SPAG16: variants seen among roughly 807,000 people sequenced by gnomAD.
SPAG16 encodes the protein sperm-associated antigen 16 protein.
Under a neutral mutation model 80.4 loss-of-function variants are expected in SPAG16, and 86 were observed. The ratio of observed to expected loss-of-function variants is 1.07; its 90% CI spans 0.90 to 1.28. The LOEUF (loss-of-function observed/expected upper bound fraction) is 1.28, where lower values mean the gene tolerates loss of function less well. Among genes scored for constraint, SPAG16 ranks in the 50% most tolerant of loss-of-function variants. The pLI is 0.00. For missense variants in SPAG16, 870 were observed against 765.3 expected (o/e 1.14, Z -1.61); for synonymous variants, 294 against 265.9 (o/e 1.11, Z -1.03).
At chr2:214,004,946 C>T (rs888407192) in intron 12 of SPAG16, among the ~76,000 whole-genome samples, 1 of 151,958 alleles carries the variant, frequency 6.6e-6, no homozygotes, top group Non-Finnish European at 1.5e-5. Context: ...TAATGAGGGT[C>T]GACCGTATTT....
At chr2:214,238,670 G>A (rs184305248) in intron 15 of SPAG16, 1 of 149,352 alleles carries the variant, frequency 6.7e-6, no homozygotes, top group East Asian at 2.0e-4. Context: ...CACTTACATA[G>A]TTTAGGATTT....
In SPAG16 at chr2:213,332,442, T is replaced by C. The variant is rs187890332; in HGVS notation, c.537-7721T>C. ...TAACAGGACCTGATGGCTTCACTGC[T>C]TAATCGTGCCAAGCATTTAAAGAAC... On this transcript the variant is annotated intron_variant, in intron 5 of 15. Coordinates refer to ENST00000331683, the MANE Select transcript of SPAG16 (RefSeq NM_024532.5). Among the ~76,000 whole-genome samples, 4 of 152,288 alleles carry C rather than the reference T, an allele frequency of 2.6e-5. No individual in the cohort carries two copies. In the East Asian group the frequency reaches 7.7e-4, roughly 29 times the overall value.
intron 11 of SPAG16, among the ~76,000 whole-genome samples, chr2:213,883,626 A>G (rs1025949258): frequency 6.6e-6 from 1 of 152,128 alleles, no homozygotes; most frequent in African/African-American, 2.4e-5. Context: ...GTCTCCCACT[A>G]TTATAGTGTG....
intron 15 of SPAG16, among the ~76,000 whole-genome samples, chr2:214,235,272 G>T (rs376219066): frequency 4.6e-5 from 7 of 152,044 alleles, no homozygotes; most frequent in African/African-American, 1.7e-4. Flanking sequence ...TTTATTAAAT[G>T]AAAGTCCAAA....
At chr2:214,021,668 G>A (rs1274012184) in intron 13 of SPAG16, among the ~76,000 whole-genome samples, 1 of 152,062 alleles carries the variant, frequency 6.6e-6, no homozygotes, top group African/African-American at 2.4e-5. Context: ...AATATGCAAA[G>A]TGCTTGAAAG....
intron 15 of SPAG16, among the ~76,000 whole-genome samples, chr2:214,404,199 C>T (rs180743219): frequency 6.6e-6 from 1 of 152,228 alleles, no homozygotes; most frequent in Admixed American, 6.5e-5. Context: ...TCTTAAAAGC[C>T]ATGCTAAGAT....
At chr2:214,197,846 C>T (rs1372013987) in intron 15 of SPAG16, among the ~76,000 whole-genome samples, 1 of 151,390 alleles carries the variant, frequency 6.6e-6, no homozygotes, top group African/African-American at 2.4e-5. Context: ...ATATTAAACA[C>T]CCAGATTTCT....
intron 9 of SPAG16, among the ~76,000 whole-genome samples, chr2:213,469,386 G>A (rs1297957083): frequency 6.6e-6 from 1 of 151,918 alleles, no homozygotes; most frequent in Non-Finnish European, 1.5e-5. Context: ...ATAAAATGAA[G>A]ATGTTTTCTT....
Position 213,371,259 on chromosome 2 carries a change from GC to G in SPAG16, c.833-3750del, listed in dbSNP as rs1180761552. 6.6e-5 allele frequency among the ~76,000 whole-genome samples: 10 copies of G among 152,032 alleles called. 1 individual carries two copies. The highest frequency in any genetic ancestry group is 2.4e-4 in the African/African-American group (10 of 41,462). On this transcript the variant is annotated intron_variant, in intron 8 of 15. Transcript: ENST00000331683. ...CCGTCTACTAAAAATACAAAAATTA[GC>G]TAGGCATGATGGTGCGTGCCTGTAA... is the stretch of plus-strand genomic sequence containing the variant.
intron 8 of SPAG16, among the ~76,000 whole-genome samples, chr2:213,373,747 A>G (rs927207216): frequency 2.0e-5 from 3 of 152,172 alleles, no homozygotes; most frequent in African/African-American, 7.2e-5. Context: ...TACAATGGGA[A>G]CAAAAGGTAG....
intron 10 of SPAG16, among the ~76,000 whole-genome samples, chr2:213,644,348 G>C (rs2062739453): frequency 6.6e-6 from 1 of 151,866 alleles, no homozygotes; most frequent in Non-Finnish European, 1.5e-5. Context: ...TTGGTTCCTG[G>C]TGACTTATTT....
chr2:213,470,938 C>G (rs1470084571), intron 9 of SPAG16, among the ~76,000 whole-genome samples: 1 of 152,210 alleles, frequency 6.6e-6, no homozygotes, highest in Non-Finnish European at 1.5e-5. Context: ...TTCCACATCC[C>G]TGATCATCAA....
intron 10 of SPAG16, among the ~76,000 whole-genome samples, chr2:213,804,192 A>G (rs1285886475): frequency 6.6e-6 from 1 of 152,234 alleles, no homozygotes; most frequent in Non-Finnish European, 1.5e-5. Context: ...AAAATCTGCT[A>G]GAGGACTCAG....
intron 10 of SPAG16, among the ~76,000 whole-genome samples, chr2:213,610,232 G>A (rs2061398593): frequency 6.6e-6 from 1 of 152,098 alleles, no homozygotes. Context: ...TTTGTTAAGA[G>A]GACCTGCAAA....
In SPAG16 at chr2:213,677,863, T is replaced by G. The variant is rs564650742; in HGVS notation, c.1071-184622T>G. 1.8e-3 allele frequency among the ~76,000 whole-genome samples: 268 copies of G among 152,218 alleles called. 1 individual carries two copies. Among genetic ancestry groups the G allele is most frequent in the African/African-American group, 6.3e-3 (260 of 41,524 alleles). ...CCGATTCCAAAATTGACCACATAGT[T>G]GGAAGTAAAGCTCTCCTCAGCAAAT... On this transcript the variant is annotated intron_variant, in intron 10 of 15. Coordinates refer to ENST00000331683, the MANE Select transcript of SPAG16 (RefSeq NM_024532.5).
At chr2:214,229,237 G>A (rs1012074086) in intron 15 of SPAG16, among the ~76,000 whole-genome samples, 2 of 151,694 alleles carry the variant, frequency 1.3e-5, no homozygotes, top group Non-Finnish European at 2.9e-5. Context: ...TAGGAAAAAC[G>A]CTTCTTCTGG....
In SPAG16 at chr2:214,161,873, A is replaced by T. The variant is rs188449282; in HGVS notation, c.1720+12607A>T. 4.7e-4 allele frequency among the ~76,000 whole-genome samples: 72 copies of T among 152,264 alleles called. No homozygotes were observed. In the East Asian group the frequency reaches 4.8e-3, roughly 10 times the overall value. On this transcript the variant is annotated intron_variant, in intron 15 of 15. Transcript: ENST00000331683. ...TTAAAAATAAATTTAAAAAATTTTT[A>T]AAAAATTAAAGAGTCAAAACTATTT...
At chr2:213,790,076 A>G (rs1476567834) in intron 10 of SPAG16, among the ~76,000 whole-genome samples, 2 of 151,824 alleles carry the variant, frequency 1.3e-5, no homozygotes, top group African/African-American at 4.8e-5. Context: ...GTTACCTTCT[A>G]ATTCCACAAC....
intron 10 of SPAG16, among the ~76,000 whole-genome samples, chr2:213,740,818 A>C (rs951708785): frequency 2.6e-5 from 4 of 152,214 alleles, no homozygotes; most frequent in African/African-American, 9.6e-5. Context: ...TGGACAAAGA[A>C]AGACCAATTA....
Sources: gnomAD v4.1 joint callset for allele counts (sites outside exome capture counted in the v4.1 genomes callset) on GRCh38, gnomAD v4.1.1 for gene constraint, MANE v1.5 for transcripts, NCBI Gene and HGNC (gene_info 2026-07-23, HGNC 2026-07-21) for gene names.